NDC80: variants seen among roughly 807,000 people sequenced by gnomAD.
NDC80 encodes the protein kinetochore protein NDC80 homolog.
In NDC80, 69 loss-of-function variants were observed where a neutral mutation model predicts 89.3. The observed-to-expected ratio is 0.77, with a 90% confidence interval of 0.64 to 0.94. The LOEUF is 0.94. Among genes scored for constraint, NDC80 ranks in the 40% least tolerant of loss-of-function variants. The pLI, the probability that NDC80 is intolerant of heterozygous loss-of-function variation, is 0.00. For missense variants in NDC80, 593 were observed against 739.6 expected, an observed-to-expected ratio of 0.80 and a Z score of 2.30; for synonymous variants, 243 against 255.6, an observed-to-expected ratio of 0.95 and a Z score of 0.47.
chr18:2,611,100 G>A (rs1007524063), intron 16 of NDC80, among the ~76,000 whole-genome samples: 4 of 143,220 alleles, frequency 2.8e-5, no homozygotes, highest in Non-Finnish European at 4.5e-5. Context: ...CCAGGCTGGA[G>A]TCCAATGGCA....
intron 4 of NDC80, 45 bp from the exon 5 acceptor site, chr18:2,577,924 A>C (rs1277489995): frequency 1.2e-6 from 2 of 1,608,968 alleles, no homozygotes; most frequent in Non-Finnish European, 8.5e-7. Flanking sequence ...TTTTCCAATA[A>C]TTTTCCATTA....
At chr18:2,586,362 A>T (rs927896210) in intron 7 of NDC80, among the ~76,000 whole-genome samples, 1 of 152,150 alleles carries the variant, frequency 6.6e-6, no homozygotes, top group South Asian at 2.1e-4. Context: ...ATCCTCCCAC[A>T]TTGCAATATG....
At chr18:2,603,727 G>A (rs1327470714) in intron 13 of NDC80, among the ~76,000 whole-genome samples, 6 of 152,028 alleles carry the variant, frequency 3.9e-5, no homozygotes, top group Non-Finnish European at 8.8e-5. Flanking sequence ...AAAATTTTTT[G>A]ATGAAATGGA....
At chr18:2,614,179 C>G (rs2072759285) in intron 16 of NDC80, among the ~76,000 whole-genome samples, 1 of 152,176 alleles carries the variant, frequency 6.6e-6, no homozygotes, top group Non-Finnish European at 1.5e-5. Context: ...TGGGTCATGC[C>G]TGTAATCCCA....
At chr18:2,572,352 G>C (rs1331367645) in intron 1 of NDC80, among the ~76,000 whole-genome samples, 8 of 152,290 alleles carry the variant, frequency 5.3e-5, no homozygotes, top group Middle Eastern at 3.4e-3. Context: ...CAGATGTGAA[G>C]GGAGTGACCT....
chr18:2,606,666 G>A (rs1245585520), intron 14 of NDC80, among the ~76,000 whole-genome samples, 159 bp downstream of exon 14: 1 of 152,072 alleles, frequency 6.6e-6, no homozygotes, highest in Non-Finnish European at 1.5e-5. Flanking sequence ...ATCGTAAGGA[G>A]TCATTTTATT....
At chr18:2,577,121 A>C (rs1400789409) in intron 3 of NDC80, 1 of 152,148 alleles carries the variant, frequency 6.6e-6, no homozygotes, top group Non-Finnish European at 1.5e-5. Context: ...GAGCATTCCT[A>C]TAGGCCAGAC....
chr18:2,585,649 T>C (rs1421724783), intron 7 of NDC80, among the ~76,000 whole-genome samples: 1 of 152,188 alleles, frequency 6.6e-6, no homozygotes, highest in East Asian at 1.9e-4. Flanking sequence ...GAGTTGTTTT[T>C]TTGCTTCCTG....
chr18:2,603,964 A>C (rs946767828), intron 13 of NDC80, among the ~76,000 whole-genome samples: 2 of 152,232 alleles, frequency 1.3e-5, no homozygotes, highest in African/African-American at 4.8e-5. Flanking sequence ...ATACCACAAC[A>C]TGACAAAGAT....
intron 13 of NDC80, among the ~76,000 whole-genome samples, chr18:2,603,912 C>T (rs1172268504): frequency 6.6e-6 from 1 of 152,070 alleles, no homozygotes; most frequent in Non-Finnish European, 1.5e-5. Context: ...TATCATAGAG[C>T]ATAAAGAGAC....
chr18:2,615,989 AC>A (rs1481736429), intron 16 of NDC80, among the ~76,000 whole-genome samples: 1 of 152,168 alleles, frequency 6.6e-6, no homozygotes, highest in Non-Finnish European at 1.5e-5. Flanking sequence ...CAGAAAGGGC[AC>A]AAAAAGAGAG....
chr18:2,576,771 C>A lies in NDC80; in HGVS notation c.180-975C>A, dbSNP rs555459685. Among the ~76,000 whole-genome samples, 30 of 152,116 alleles carry A rather than the reference C, an allele frequency of 2.0e-4. No homozygotes were observed. In the South Asian group the frequency reaches 6.0e-3, roughly 31 times the overall value. ...CATCAAACTGTATGCTTTAAACAGG[C>A]GCATTTTATTCTAAACAAATTATGT... On this transcript the variant is annotated intron_variant, in intron 3 of 16. Coordinates refer to ENST00000261597, the MANE Select transcript of NDC80 (RefSeq NM_006101.3).
At chr18:2,608,608 A>AT in intron 14 of NDC80, 92 bp from the exon 15 acceptor site, 1 of 1,341,810 alleles carries the variant, frequency 7.5e-7, no homozygotes, top group South Asian at 1.7e-5. Flanking sequence ...ACCTGATTTT[A>AT]TTTAAGTGCT....
intron 13 of NDC80, 95 bp downstream of exon 13, chr18:2,601,580 T>A: frequency 1.9e-6 from 1 of 518,940 alleles, no homozygotes; most frequent in Non-Finnish European, 3.2e-6. Context: ...GCTAAGGAAT[T>A]AATTTTTTAA....
chr18:2,575,277 TA>T (rs1179045407), intron 3 of NDC80, among the ~76,000 whole-genome samples: 2 of 152,180 alleles, frequency 1.3e-5, no homozygotes, highest in Non-Finnish European at 2.9e-5. Flanking sequence ...TTGTTACAAG[TA>T]AATAGTTGAT....
chr18:2,578,207 T>C, intron 5 of NDC80, 66 bp downstream of exon 5: 1 of 1,470,488 alleles, frequency 6.8e-7, no homozygotes, highest in South Asian at 1.3e-5. Context: ...ATTAAATCAA[T>C]TTGTAAAAAG....
intron 13 of NDC80, among the ~76,000 whole-genome samples, chr18:2,603,781 A>T (rs1452060338): frequency 6.6e-6 from 1 of 152,192 alleles, no homozygotes; most frequent in Non-Finnish European, 1.5e-5. Flanking sequence ...CAAAATATGT[A>T]AGTAACCAGA....
In NDC80 at chr18:2,611,045, A is replaced by ATT. The variant is rs34508122; in HGVS notation, c.1791+203_1791+204dup. Among the ~76,000 whole-genome samples, 553 of 112,500 alleles carry ATT rather than the reference A, an allele frequency of 4.9e-3. 10 individuals are homozygous for ATT. The highest frequency in any genetic ancestry group is 0.025 in the East Asian group (102 of 4,016). 73.8% of individuals were successfully genotyped at this position (112,500 alleles called of 152,430 possible). ...ACGTGATGCAGGGGAACACTTGAGC[A>ATT]TTTTTTTTTTTTTTTTTTTTGAGAC... On this transcript the variant is annotated intron_variant, in intron 16 of 16. Coordinates refer to ENST00000261597, the MANE Select transcript of NDC80 (RefSeq NM_006101.3).
At position 2,577,828 on chromosome 18, in the gene NDC80, G is replaced by A. The variant is rs747672541; in HGVS notation, c.262G>A (p.Asp88Asn). Residue 88 changes from aspartate to asparagine, a missense_variant, in exon 4 of 17, where the codon GAC becomes AAC. Physicochemically the swap from Asp to Asn is conservative, Grantham distance 23. Coordinates refer to ENST00000261597, the MANE Select transcript of NDC80 (RefSeq NM_006101.3). ...AATCAAGGACCCGAGACCACTTAAT[G>A]ACAAAGCATTCATTCAGCAGTGTAT... is the stretch of plus-strand genomic sequence containing the variant. ...EKIKDPRPLNDKAFIQQCIRQ... is the reference protein window; with the variant it reads ...EKIKDPRPLNNKAFIQQCIRQ... 2 of 1,613,962 alleles carry A rather than the reference G, an allele frequency of 1.2e-6. No individual in the cohort carries two copies. The highest frequency in any genetic ancestry group is 1.3e-5 in the African/African-American group (1 of 74,910).
Sources: gnomAD v4.1 joint callset for allele counts (sites outside exome capture counted in the v4.1 genomes callset) on GRCh38, gnomAD v4.1.1 for gene constraint, MANE v1.5 for transcripts, NCBI Gene and HGNC (gene_info 2026-07-23, HGNC 2026-07-21) for gene names.